NTNG1: variants seen among roughly 807,000 people sequenced by gnomAD.
The protein encoded by NTNG1 is netrin G1, also known as netrin-G1.
A neutral mutation model predicts 54.0 loss-of-function variants in NTNG1; 16 were observed. The observed-to-expected ratio is 0.30, with a 90% confidence interval of 0.20 to 0.45. The LOEUF is 0.45. Ranked by LOEUF, NTNG1 falls within the 20% of genes least tolerant of loss-of-function variation. The probability of loss-of-function intolerance (pLI) is 1.00; values close to 1 mark genes in which losing one functional copy is unlikely to be tolerated. For missense variants in NTNG1, 530 were observed against 678.7 expected (o/e 0.78, Z 2.43); for synonymous variants, 255 against 263.1 (o/e 0.97, Z 0.30).
chr1:107,286,040 C>T (rs540073338), intron 2 of NTNG1, among the ~76,000 whole-genome samples: 4 of 152,246 alleles, frequency 2.6e-5, no homozygotes, highest in Non-Finnish European at 2.9e-5. Context: ...GATCTGCAGT[C>T]GCTTTGTCAT....
chr1:107,430,305 G>GTGATGGTAC (rs1164803527), intron 5 of NTNG1, among the ~76,000 whole-genome samples: 1 of 152,096 alleles, frequency 6.6e-6, no homozygotes, highest in Non-Finnish European at 1.5e-5. Flanking sequence ...AGGAGCCATG[G>GTGATGGTAC]TGATGGTACT....
At chr1:107,386,167 T>A (rs201033911) in intron 3 of NTNG1, among the ~76,000 whole-genome samples, 18,386 of 59,492 alleles carry the variant, frequency 0.31, 1,522 homozygotes, top group East Asian at 0.48. Context: ...ATATATATAT[T>A]TTTTTTTTTT....
chr1:107,372,844 T>G (rs1483733670), intron 3 of NTNG1, among the ~76,000 whole-genome samples: 2 of 152,270 alleles, frequency 1.3e-5, no homozygotes, highest in South Asian at 4.1e-4. Context: ...ATTAGAATTA[T>G]TTTGTTCTTT....
chr1:107,462,510 T>C (rs916264028), intron 7 of NTNG1, among the ~76,000 whole-genome samples: 1 of 152,214 alleles, frequency 6.6e-6, no homozygotes, highest in African/African-American at 2.4e-5. Context: ...AAGTCCTCAA[T>C]AAATAGATGT....
At chr1:107,438,005 A>G (rs1018951817) in intron 7 of NTNG1, among the ~76,000 whole-genome samples, 2 of 152,206 alleles carry the variant, frequency 1.3e-5, no homozygotes, top group African/African-American at 4.8e-5. Flanking sequence ...TATTTGTATA[A>G]TATAGTAGTA....
chr1:107,330,508 G>A (rs903886163), intron 3 of NTNG1, among the ~76,000 whole-genome samples: 5 of 152,146 alleles, frequency 3.3e-5, no homozygotes, highest in African/African-American at 1.2e-4. Flanking sequence ...TGCTTACAAA[G>A]TCAGTAGGAC....
intron 2 of NTNG1, among the ~76,000 whole-genome samples, chr1:107,279,538 CTAGGTT>C (rs1452808128): frequency 1.3e-5 from 2 of 152,228 alleles, no homozygotes; most frequent in Admixed American, 1.3e-4. Flanking sequence ...AGATGCCACA[CTAGGTT>C]TCTACCTTTC....
At chr1:107,221,771 T>G (rs1364284950) in intron 2 of NTNG1, among the ~76,000 whole-genome samples, 1 of 151,878 alleles carries the variant, frequency 6.6e-6, no homozygotes, top group Admixed American at 6.6e-5. Flanking sequence ...AAAAAGAGAG[T>G]GGGACATTTT....
chr1:107,457,228 A>C (rs1677004974), intron 7 of NTNG1, among the ~76,000 whole-genome samples: 1 of 152,244 alleles, frequency 6.6e-6, no homozygotes, highest in South Asian at 2.1e-4. Context: ...ATACAAAGTA[A>C]ACACCATACA....
At chr1:107,464,727 G>A (rs1291799553) in intron 7 of NTNG1, among the ~76,000 whole-genome samples, 2 of 152,162 alleles carry the variant, frequency 1.3e-5, no homozygotes, top group African/African-American at 4.8e-5. Flanking sequence ...GGTAATGGGA[G>A]TGCAATAGGT....
chr1:107,188,636 A>G (rs1295146799), intron 2 of NTNG1, among the ~76,000 whole-genome samples: 1 of 152,160 alleles, frequency 6.6e-6, no homozygotes, highest in African/African-American at 2.4e-5. Flanking sequence ...GCTTGAAATC[A>G]TATGAATAAT....
At chr1:107,353,339 A>G (rs1228073347) in intron 3 of NTNG1, among the ~76,000 whole-genome samples, 4 of 152,172 alleles carry the variant, frequency 2.6e-5, no homozygotes, top group Admixed American at 2.6e-4. Context: ...TTATTTTGCC[A>G]GATACCCTAA....
intron 2 of NTNG1, among the ~76,000 whole-genome samples, chr1:107,189,063 G>A (rs952850624): frequency 6.6e-6 from 1 of 151,944 alleles, no homozygotes; most frequent in African/African-American, 2.4e-5. Flanking sequence ...GAGTTTGGGT[G>A]AATATAGGCC....
chr1:107,239,880 C>A (rs1030897185), intron 2 of NTNG1, among the ~76,000 whole-genome samples: 1 of 152,180 alleles, frequency 6.6e-6, no homozygotes, highest in African/African-American at 2.4e-5. Context: ...ATCTCTATAA[C>A]TGTTCTGTTC....
intron 6 of NTNG1, among the ~76,000 whole-genome samples, chr1:107,433,770 A>T (rs1367601620): frequency 1.3e-5 from 2 of 152,144 alleles, no homozygotes; most frequent in Admixed American, 1.3e-4. Flanking sequence ...GATTTCACTT[A>T]CCCTGCTTGA....
chr1:107,147,539 T>C lies in NTNG1; in HGVS notation c.-525-530T>C, dbSNP rs1654216834. On this transcript the variant is annotated intron_variant, in intron 1 of 7. Transcript: ENST00000370068. The stretch of plus-strand genomic sequence containing the variant: ...CAAAAGATGCTAAATTCTTCCAATG[T>C]AATGAGCAAATCCACAGGGACAGGC... Among the ~76,000 whole-genome samples, 4 of 152,142 alleles carry C rather than the reference T, an allele frequency of 2.6e-5. No individual in the cohort carries two copies. In the South Asian group the frequency reaches 8.3e-4, roughly 31 times the overall value.
chr1:107,387,872 T>C (rs941987038), intron 3 of NTNG1, among the ~76,000 whole-genome samples: 1 of 152,218 alleles, frequency 6.6e-6, no homozygotes, highest in East Asian at 1.9e-4. Flanking sequence ...TTGTTGGCCC[T>C]CTTTTTTCCA....
chr1:107,151,136 C>T lies in NTNG1; in HGVS notation c.246+2297C>T, dbSNP rs186229203. ...TGCTTAATTTGTATTCCTTAATATG[C>T]ATATGATAGGCATAACAAATTTAAT... On this transcript the variant is annotated intron_variant, in intron 2 of 7. Transcript: ENST00000370068. 2.2e-3 allele frequency among the ~76,000 whole-genome samples: 330 copies of T among 152,238 alleles called. 1 individual carries two copies. Among genetic ancestry groups the T allele is most frequent in the African/African-American group, 7.6e-3 (314 of 41,520 alleles).
chr1:107,309,354 T>C (rs1353679344), intron 2 of NTNG1, among the ~76,000 whole-genome samples: 1 of 152,186 alleles, frequency 6.6e-6, no homozygotes, highest in African/African-American at 2.4e-5. Flanking sequence ...TAATGCTTCA[T>C]CTTTGCTAGA....
Sources: allele counts gnomAD v4.1 joint callset (sites outside exome capture counted in the v4.1 genomes callset), GRCh38; gene constraint gnomAD v4.1.1; transcripts MANE v1.5; gene names NCBI Gene and HGNC (gene_info 2026-07-23, HGNC 2026-07-21).